Variants in GARNL3 observed in about 807,000 individuals in gnomAD.
The protein encoded by GARNL3 is GTPase-activating Rap/Ran-GAP domain-like protein 3.
Under a neutral mutation model 125.0 loss-of-function variants are expected in GARNL3, and 63 were observed. That is an observed-to-expected ratio of 0.50 (90% CI 0.41 to 0.62). The LOEUF is 0.62. GARNL3 is among the 20% of genes least tolerant of loss of function. The probability of loss-of-function intolerance (pLI) is 0.00; values close to 1 mark genes in which losing one functional copy is unlikely to be tolerated. For synonymous variants in GARNL3, 439 were observed against 457.5 expected (o/e 0.96, Z 0.52); for missense variants, 994 against 1,244.0 (o/e 0.80, Z 3.02).
chr9:127,262,156 C>T (rs188281598), upstream of GARNL3, among the ~76,000 whole-genome samples: 382 of 152,290 alleles, frequency 2.5e-3, 1 homozygote, highest in Non-Finnish European at 4.6e-3. Context: ...GTTGCTATTG[C>T]GGCACCCCAC....
intron 16 of GARNL3, 66 bp downstream of exon 16, chr9:127,345,543 T>C: frequency 9.4e-7 from 1 of 1,065,850 alleles, no homozygotes; most frequent in Non-Finnish European, 1.4e-6. Context: ...ATGATTGAGA[T>C]TATTGGAAAA....
At chr9:127,249,798 A>G (rs1246316515) in intron 2 of GARNL3, among the ~76,000 whole-genome samples, 1 of 152,140 alleles carries the variant, frequency 6.6e-6, no homozygotes, top group East Asian at 1.9e-4. Context: ...ACCTGAGGTC[A>G]GGAGTTTGAG....
At chr9:127,232,368 G>A (rs2063034046) in intron 1 of GARNL3, among the ~76,000 whole-genome samples, 1 of 152,074 alleles carries the variant, frequency 6.6e-6, no homozygotes, top group Non-Finnish European at 1.5e-5. Context: ...GAGTACAGTG[G>A]CATGATCATA....
In GARNL3 at chr9:127,320,712, C is replaced by T. The variant is rs2065373698; in HGVS notation, c.504-3C>T. On this transcript the variant is annotated splice_polypyrimidine_tract_variant and splice_region_variant and intron_variant, in intron 5 of 27. Transcript: ENST00000373387. ...GCAGCTCATCCTGTCCATTCTATTT[C>T]AGTGCCATGAATCTGGACAAATTTG... The T allele has an allele frequency of 6.2e-7, 1 of 1,608,786 alleles. No individual in the cohort carries two copies. Among genetic ancestry groups the T allele is most frequent in the Non-Finnish European group, 8.5e-7 (1 of 1,175,340 alleles).
intron 4 of GARNL3, among the ~76,000 whole-genome samples, chr9:127,316,360 A>G (rs1480857217): frequency 6.6e-6 from 1 of 152,096 alleles, no homozygotes; most frequent in Non-Finnish European, 1.5e-5. Flanking sequence ...TGGGCAACAT[A>G]GTGAGACCCT....
intron 1 of GARNL3, among the ~76,000 whole-genome samples, chr9:127,231,425 A>G (rs1415464216): frequency 1.3e-5 from 2 of 151,956 alleles, no homozygotes; most frequent in African/African-American, 2.4e-5. Flanking sequence ...CTTTGTGGTG[A>G]TCAAGAAATT....
upstream of GARNL3, chr9:127,263,954 C>A: frequency 6.6e-7 from 1 of 1,525,350 alleles, no homozygotes; most frequent in South Asian, 1.2e-5. Flanking sequence ...GCCAAGAGGG[C>A]TGTAATTTAG....
At chr9:127,276,687 C>T (rs1390293480) in intron 1 of GARNL3, among the ~76,000 whole-genome samples, 1 of 152,246 alleles carries the variant, frequency 6.6e-6, no homozygotes, top group Non-Finnish European at 1.5e-5. Flanking sequence ...GAGTGAATGA[C>T]ACCATCTTCC....
rs1232193105 is a variant in GARNL3 at position 127,280,640 on chromosome 9, A to G, written c.145-10528A>G. Among the ~76,000 whole-genome samples the G allele has an allele frequency of 1.3e-5, 2 of 152,336 alleles. No homozygotes were observed. Among genetic ancestry groups the G allele is most frequent in the African/African-American group, 2.4e-5 (1 of 41,570 alleles). The stretch of plus-strand genomic sequence containing the variant: ...TGATATTTTGGACGTAGAATTGCCA[A>G]TCATTCCTTCTTAATATTCAAAGGA... On this transcript the variant is annotated intron_variant, in intron 1 of 27. Coordinates refer to ENST00000373387, the MANE Select transcript of GARNL3 (RefSeq NM_032293.5). The surrounding 1 kb of genome is among the most constrained non-coding windows in gnomAD (Gnocchi z 4.5).
At chr9:127,321,112 T>C (rs2065384871) in intron 6 of GARNL3, among the ~76,000 whole-genome samples, 1 of 152,170 alleles carries the variant, frequency 6.6e-6, no homozygotes, top group Non-Finnish European at 1.5e-5. Context: ...CTGAGTAATA[T>C]AGAATTGTGT....
At chr9:127,283,957 C>T (rs184976685) in intron 1 of GARNL3, among the ~76,000 whole-genome samples, 1 of 152,312 alleles carries the variant, frequency 6.6e-6, no homozygotes, top group Admixed American at 6.5e-5. Context: ...AGTGATGTTA[C>T]ACATACATGT....
chr9:127,355,538 A>G, intron 20 of GARNL3, 66 bp downstream of exon 20: 5 of 1,488,372 alleles, frequency 3.4e-6, no homozygotes, highest in Non-Finnish European at 4.7e-6. Context: ...CTGTCCTTCC[A>G]CCCAGAGTTT....
intron 1 of GARNL3, among the ~76,000 whole-genome samples, chr9:127,237,186 G>T (rs933798338): frequency 2.0e-5 from 3 of 152,196 alleles, no homozygotes; most frequent in Non-Finnish European, 4.4e-5. Flanking sequence ...TCAAGAAGCT[G>T]ATCAATCAAG....
intron 2 of GARNL3, among the ~76,000 whole-genome samples, chr9:127,248,601 T>C (rs1425784358): frequency 7.0e-5 from 9 of 127,698 alleles, no homozygotes; most frequent in Non-Finnish European, 1.3e-4. Flanking sequence ...CTTTTCTTTT[T>C]TTTTTTTTTT....
At chr9:127,380,735 A>G (rs1832206594) in intron 22 of GARNL3, among the ~76,000 whole-genome samples, 1 of 152,242 alleles carries the variant, frequency 6.6e-6, no homozygotes, top group Non-Finnish European at 1.5e-5. Context: ...AGGCAAGTCC[A>G]CAGACACAGA....
intron 9 of GARNL3, among the ~76,000 whole-genome samples, chr9:127,334,532 CAT>C (rs1829444223): frequency 6.6e-6 from 1 of 152,164 alleles, no homozygotes; most frequent in East Asian, 1.9e-4. Flanking sequence ...CTCGAACACA[CAT>C]AGAGTGCACA....
chr9:127,285,417 C>T (rs1016742289), intron 1 of GARNL3, among the ~76,000 whole-genome samples: 4 of 152,268 alleles, frequency 2.6e-5, no homozygotes, highest in Middle Eastern at 3.4e-3. Flanking sequence ...GAGTGAAACT[C>T]GCTTTTCTTT....
At chr9:127,284,830 A>G (rs2064202283) in intron 1 of GARNL3, among the ~76,000 whole-genome samples, 1 of 151,868 alleles carries the variant, frequency 6.6e-6, no homozygotes, top group Non-Finnish European at 1.5e-5. Flanking sequence ...AGTAAAATAA[A>G]TTTATATATG....
intron 20 of GARNL3, 29 bp from the exon 21 acceptor site, chr9:127,357,188 CCT>C (rs776719656): frequency 1.3e-5 from 21 of 1,611,996 alleles, no homozygotes; most frequent in African/African-American, 1.1e-4. Flanking sequence ...TGTTCTCACC[CCT>C]GTCTCTTGTA....
Sources: gnomAD v4.1 joint callset for allele counts (sites outside exome capture counted in the v4.1 genomes callset) on GRCh38, gnomAD v4.1.1 for gene constraint, Gnocchi (gnomAD v3.1) non-coding constraint, MANE v1.5 for transcripts, NCBI Gene and HGNC (gene_info 2026-07-23, HGNC 2026-07-21) for gene names.